THSD7B: variants seen among roughly 807,000 people sequenced by gnomAD.
The protein encoded by THSD7B is thrombospondin type-1 domain-containing protein 7B.
THSD7B carries 138 observed loss-of-function variants against 213.6 expected under a neutral mutation model. The observed-to-expected ratio is 0.65, with a 90% CI of 0.56 to 0.74. The LOEUF is 0.74. THSD7B is among the 30% of genes least tolerant of loss of function. The pLI, the probability that THSD7B is intolerant of heterozygous loss-of-function variation, is 0.00. For missense variants in THSD7B, 1,931 were observed against 1,991.5 expected (o/e 0.97, Z 0.58); for synonymous variants, 742 against 687.0 (o/e 1.08, Z -1.25).
At chr2:137,010,743 C>G (rs938698179) in intron 2 of THSD7B, among the ~76,000 whole-genome samples, 2 of 152,204 alleles carry the variant, frequency 1.3e-5, no homozygotes, top group Non-Finnish European at 2.9e-5. Flanking sequence ...GAGGAGCTCT[C>G]TAGACCCGGG....
chr2:136,963,331 G>T (rs543105758), intron 2 of THSD7B, among the ~76,000 whole-genome samples: 1 of 152,222 alleles, frequency 6.6e-6, no homozygotes, highest in African/African-American at 2.4e-5. Context: ...AAATGAAAAA[G>T]AATATAGGCA....
At chr2:137,265,564 C>T (rs1181205672) in intron 10 of THSD7B, among the ~76,000 whole-genome samples, 2 of 152,148 alleles carry the variant, frequency 1.3e-5, no homozygotes, top group Non-Finnish European at 2.9e-5. Context: ...GGAACCAACC[C>T]AAAACAGCCT....
chr2:137,182,467 G>A (rs1680473500), intron 7 of THSD7B, among the ~76,000 whole-genome samples: 1 of 152,170 alleles, frequency 6.6e-6, no homozygotes, highest in South Asian at 2.1e-4. Context: ...GCTGCCTATA[G>A]TGTATGAAGC....
At chr2:136,907,511 T>C (rs998376491) in intron 2 of THSD7B, among the ~76,000 whole-genome samples, 1 of 152,160 alleles carries the variant, frequency 6.6e-6, no homozygotes, top group African/African-American at 2.4e-5. Flanking sequence ...AGGAATTTGA[T>C]AGCCAACAGA....
rs768306328 is a variant in THSD7B, at chr2:137,572,516, G to A, written c.3383G>A (p.Cys1128Tyr). The change falls in exon 17 of 28, where the codon TGT (cysteine) becomes TAT (tyrosine). Residue 1128 changes from cysteine (C) to tyrosine (Y), a missense_variant. Coordinates refer to ENST00000409968, the MANE Select transcript of THSD7B (RefSeq NM_001316349.2). The stretch of plus-strand genomic sequence containing the variant: ...TGTTCTCTTATGTGTCCCAATGAGT[G>A]TGTCATGTCTGAGTGGGGACTTTGG... ...QSCSLMCPNE[C>Y]VMSEWGLWSK... 7.4e-6 allele frequency: 12 copies of A among 1,613,746 alleles called. No homozygotes were observed. Among genetic ancestry groups the A allele is most frequent in the South Asian group, 3.3e-5 (3 of 91,076 alleles).
intron 17 of THSD7B, among the ~76,000 whole-genome samples, chr2:137,590,264 A>G (rs890117833): frequency 4.9e-4 from 74 of 152,336 alleles, no homozygotes; most frequent in African/African-American, 1.8e-3. Flanking sequence ...TGTGGGACAC[A>G]CTTAGGCCTG....
chr2:137,285,299 C>T (rs932330593), intron 12 of THSD7B, among the ~76,000 whole-genome samples: 15 of 152,104 alleles, frequency 9.9e-5, no homozygotes, highest in Non-Finnish European at 2.2e-4. Context: ...TGTGTCTCTG[C>T]ACGTAAGATG....
intron 1 of THSD7B, among the ~76,000 whole-genome samples, chr2:136,872,929 A>T (rs12467232): frequency 0.22 from 32,792 of 149,080 alleles, 4,748 homozygotes; most frequent in East Asian, 0.73. Flanking sequence ...GGGTTGCATA[A>T]CTGCTAAATT....
intron 21 of THSD7B, among the ~76,000 whole-genome samples, chr2:137,646,650 TTAATAA>T (rs147054450): frequency 0.015 from 1,892 of 130,186 alleles, 41 homozygotes; most frequent in African/African-American, 0.048. Context: ...ACACTCCATC[TTAATAA>T]TAATAATAAT....
At chr2:137,654,857 A>G (rs1683205813) in intron 21 of THSD7B, among the ~76,000 whole-genome samples, 1 of 152,208 alleles carries the variant, frequency 6.6e-6, no homozygotes, top group Non-Finnish European at 1.5e-5. Flanking sequence ...GAAACCCTTT[A>G]TCAGGCAGAT....
At chr2:136,906,474 A>C (rs1474870225) in intron 2 of THSD7B, 2 of 152,154 alleles carry the variant, frequency 1.3e-5, no homozygotes, top group African/African-American at 4.8e-5. Context: ...GAAAGCACTT[A>C]TTGGAGAGGG....
At chr2:137,443,108 G>T (rs1200458550) in intron 14 of THSD7B, among the ~76,000 whole-genome samples, 3 of 152,094 alleles carry the variant, frequency 2.0e-5, no homozygotes, top group Non-Finnish European at 2.9e-5. Flanking sequence ...AGTCTCCTTT[G>T]TCTCTAATAT....
chr2:137,263,417 A>G (rs1487347709), intron 10 of THSD7B, among the ~76,000 whole-genome samples: 1 of 152,160 alleles, frequency 6.6e-6, no homozygotes, highest in Non-Finnish European at 1.5e-5. Flanking sequence ...TGAAAGGTTA[A>G]GTGCCTTGCC....
chr2:137,089,418 A>G (rs146916252), intron 3 of THSD7B, among the ~76,000 whole-genome samples: 241 of 150,692 alleles, frequency 1.6e-3, no homozygotes, highest in African/African-American at 5.7e-3. Context: ...ACACACACAT[A>G]TATGTATATA....
chr2:136,786,587 A>G (rs34894826), intron 1 of THSD7B, among the ~76,000 whole-genome samples: 1 of 152,022 alleles, frequency 6.6e-6, no homozygotes, highest in Non-Finnish European at 1.5e-5. Flanking sequence ...CAGACGTTTC[A>G]TCTAAAATGT....
intron 1 of THSD7B, among the ~76,000 whole-genome samples, chr2:136,831,090 T>G (rs879128284): frequency 7.9e-5 from 12 of 151,956 alleles, no homozygotes; most frequent in Admixed American, 7.9e-4. Context: ...CTAGTTTGCC[T>G]TCTTTGTTTG....
intron 15 of THSD7B, among the ~76,000 whole-genome samples, chr2:137,464,339 G>T (rs909819563): frequency 1.3e-5 from 2 of 152,008 alleles, no homozygotes; most frequent in Non-Finnish European, 2.9e-5. Context: ...TCAGGAGTAA[G>T]ATTTTTATTA....
At chr2:137,067,262 C>G (rs1558906369) in intron 3 of THSD7B, among the ~76,000 whole-genome samples, 1 of 152,056 alleles carries the variant, frequency 6.6e-6, no homozygotes, top group Non-Finnish European at 1.5e-5. Context: ...TTGTTGAAAG[C>G]TGGACATGAT....
At chr2:137,201,993 G>T (rs779016685) in intron 7 of THSD7B, among the ~76,000 whole-genome samples, 2 of 152,042 alleles carry the variant, frequency 1.3e-5, no homozygotes, top group East Asian at 1.9e-4. Context: ...ATCTCTCAGG[G>T]TACTTGATTC....
Sources: allele counts gnomAD v4.1 joint callset (sites outside exome capture counted in the v4.1 genomes callset), GRCh38; gene constraint gnomAD v4.1.1; transcripts MANE v1.5; gene names NCBI Gene and HGNC (gene_info 2026-07-23, HGNC 2026-07-21).